The following CUX1 variants were observed in gnomAD, a reference collection of about 807,000 sequenced individuals.
The protein encoded by CUX1 is cut like homeobox 1.
A neutral mutation model predicts 158.8 loss-of-function variants in CUX1; 31 were observed. The ratio of observed to expected loss-of-function variants is 0.20; its 90% CI spans 0.15 to 0.26. CUX1 has a LOEUF of 0.26. CUX1 is among the 10% of genes least tolerant of loss of function. CUX1 has a pLI of 1.00. For missense variants in CUX1, 1,589 were observed against 2,014.6 expected, an observed-to-expected ratio of 0.79 and a Z score of 4.04; for synonymous variants, 879 against 862.1, an observed-to-expected ratio of 1.02 and a Z score of -0.34.
intron 2 of CUX1, among the ~76,000 whole-genome samples, chr7:101,933,720 A>G (rs114587908): frequency 0.021 from 3,140 of 152,250 alleles, 108 homozygotes; most frequent in African/African-American, 0.067. Context: ...ACATTCATTC[A>G]TTTACTGCAG....
chr7:101,820,465 AT>A (rs1792338987), intron 1 of CUX1, among the ~76,000 whole-genome samples: 1 of 152,372 alleles, frequency 6.6e-6, no homozygotes, highest in East Asian at 1.9e-4. Context: ...AACTCTAACC[AT>A]TATTCAAATA....
At chr7:102,073,939 C>T (rs938010037) in intron 4 of CUX1, among the ~76,000 whole-genome samples, 8 of 152,240 alleles carry the variant, frequency 5.3e-5, no homozygotes, top group African/African-American at 1.7e-4. Context: ...CACATAGATC[C>T]CTTTCACCCA....
At chr7:101,990,110 G>C (rs961397221) in intron 2 of CUX1, among the ~76,000 whole-genome samples, 4 of 152,158 alleles carry the variant, frequency 2.6e-5, no homozygotes, top group African/African-American at 9.7e-5. Flanking sequence ...TGTAATTCCA[G>C]CTACTTGAGA....
chr7:102,151,355 C>CA (rs1490713093), intron 8 of CUX1, among the ~76,000 whole-genome samples: 39 of 152,120 alleles, frequency 2.6e-4, no homozygotes, highest in African/African-American at 9.4e-4. Context: ...GAGTTCGAGA[C>CA]CAGCCTGGCC....
intron 2 of CUX1, among the ~76,000 whole-genome samples, chr7:101,988,803 C>A (rs1391851748): frequency 1.3e-5 from 2 of 152,042 alleles, no homozygotes; most frequent in Non-Finnish European, 2.9e-5. Flanking sequence ...GAGTTTGAGC[C>A]AGCCTCGGCA....
intron 8 of CUX1, among the ~76,000 whole-genome samples, chr7:102,127,520 T>A (rs1484870423): frequency 2.6e-5 from 4 of 152,224 alleles, no homozygotes; most frequent in Non-Finnish European, 4.4e-5. Flanking sequence ...CGTCTGTTTT[T>A]TACCAGTGGC....
intron 1 of CUX1, among the ~76,000 whole-genome samples, chr7:101,876,740 AAT>A (rs894352011): frequency 6.6e-6 from 1 of 152,126 alleles, no homozygotes; most frequent in Non-Finnish European, 1.5e-5. Flanking sequence ...AATGATAGTT[AAT>A]ATATATATAC....
chr7:101,862,009 A>G (rs1160669169), intron 1 of CUX1, among the ~76,000 whole-genome samples: 2 of 151,868 alleles, frequency 1.3e-5, no homozygotes, highest in African/African-American at 4.8e-5. Flanking sequence ...AAATTTTTAT[A>G]TTTTTAATAG....
chr7:101,877,397 A>G (rs1799255404), intron 1 of CUX1, among the ~76,000 whole-genome samples: 1 of 152,292 alleles, frequency 6.6e-6, no homozygotes, highest in South Asian at 2.1e-4. Context: ...TATTTTTTAA[A>G]ATTAACAGGC....
rs782243525 is a variant in CUX1, at chr7:102,280,709, G to T, written c.1765-95G>T. On this transcript the variant is annotated intron_variant, in intron 19 of 22. Coordinates refer to the CUX1 transcript ENST00000292538. ...TGGGGGTCTGCAAGAACAGCGGGCA[G>T]GGTGTCCTGTGGCTGGCCAGGCCCT... The T allele has an allele frequency of 8.2e-4, 1,061 of 1,296,932 alleles. 1 individual carries two copies. The highest frequency in any genetic ancestry group is 8.6e-4 in the Non-Finnish European group (788 of 911,594). The allele number at this position is 1,296,932 out of a possible 1,614,324, so 80.3% of individuals were successfully genotyped here.
At chr7:102,085,514 C>G (rs1554480127) in intron 4 of CUX1, among the ~76,000 whole-genome samples, 1 of 152,130 alleles carries the variant, frequency 6.6e-6, no homozygotes, top group South Asian at 2.1e-4. Context: ...GGAGCTTTTC[C>G]CGCTTTGCTT....
At chr7:101,832,685 GTAAT>G (rs1188867235) in intron 1 of CUX1, among the ~76,000 whole-genome samples, 1 of 152,218 alleles carries the variant, frequency 6.6e-6, no homozygotes, top group East Asian at 1.9e-4. Flanking sequence ...TCAAAATTAT[GTAAT>G]TAATTGCATT....
chr7:102,212,363 C>G (rs1796624622), intron 20 of CUX1, among the ~76,000 whole-genome samples: 1 of 152,118 alleles, frequency 6.6e-6, no homozygotes, highest in Non-Finnish European at 1.5e-5. Context: ...ACCCTGCAGT[C>G]CCACCTTCCA....
intron 2 of CUX1, among the ~76,000 whole-genome samples, chr7:101,992,995 A>G (rs1264491069): frequency 6.6e-6 from 1 of 152,024 alleles, no homozygotes; most frequent in African/African-American, 2.4e-5. Flanking sequence ...GTGGCCGACT[A>G]GGTGGCCTGG....
At chr7:102,099,729 T>A (rs1829590840) in intron 5 of CUX1, among the ~76,000 whole-genome samples, 1 of 152,188 alleles carries the variant, frequency 6.6e-6, no homozygotes, top group Admixed American at 6.5e-5. Flanking sequence ...GTGCCCAGCC[T>A]CTTTCTGGCT....
intron 11 of CUX1, among the ~76,000 whole-genome samples, chr7:102,183,089 T>A (rs1793271152): frequency 6.6e-6 from 1 of 152,050 alleles, no homozygotes; most frequent in South Asian, 2.1e-4. Context: ...TGAGGTGGTA[T>A]AAAAGAGGTG....
At chr7:102,262,852 C>G (rs560771259), downstream of CUX1, among the ~76,000 whole-genome samples, 8 of 152,140 alleles carry the variant, frequency 5.3e-5, no homozygotes, top group Non-Finnish European at 8.8e-5. Context: ...GACCGTGGGC[C>G]GCTGCCTTAC....
chr7:102,148,578 A>G (rs1164631749), intron 8 of CUX1, among the ~76,000 whole-genome samples: 3 of 151,554 alleles, frequency 2.0e-5, no homozygotes, highest in Non-Finnish European at 4.4e-5. Context: ...AAACAAAGAA[A>G]TGCCCATCTT....
At chr7:102,205,365 G>C (rs2132076291) in intron 20 of CUX1, among the ~76,000 whole-genome samples, 195 bp downstream of exon 20, 1 of 152,308 alleles carries the variant, frequency 6.6e-6, no homozygotes, top group Non-Finnish European at 1.5e-5. Flanking sequence ...GACAGTGCAT[G>C]GAGGGACTCT....
Sources: gnomAD v4.1 joint callset for allele counts (sites outside exome capture counted in the v4.1 genomes callset) on GRCh38, gnomAD v4.1.1 for gene constraint, MANE v1.5 for transcripts, NCBI Gene and HGNC (gene_info 2026-07-23, HGNC 2026-07-21) for gene names.